PAK5: variants seen among roughly 807,000 people sequenced by gnomAD.
PAK5 encodes serine/threonine-protein kinase PAK 5.
PAK5 carries 16 observed loss-of-function variants against 65.9 expected under a neutral mutation model. The ratio of observed to expected loss-of-function variants is 0.24; its 90% confidence interval spans 0.16 to 0.37. The LOEUF (loss-of-function observed/expected upper bound fraction) is 0.37, where lower values mean the gene tolerates loss of function less well. PAK5 is among the 10% of genes least tolerant of loss of function. The pLI, the probability that PAK5 is intolerant of heterozygous loss-of-function variation, is 1.00. For synonymous variants in PAK5, 371 were observed against 354.9 expected (o/e 1.05, Z -0.51); for missense variants, 785 against 903.9 (o/e 0.87, Z 1.69).
chr20:9,558,339 T>C (rs2045542927), intron 6 of PAK5, among the ~76,000 whole-genome samples: 1 of 151,894 alleles, frequency 6.6e-6, no homozygotes, highest in African/African-American at 2.4e-5. Context: ...CTTGAACTAC[T>C]CCTGACCTCA....
In PAK5 at chr20:9,766,388, GTA is replaced by G. The variant is rs1171298089; in HGVS notation, c.-161-54955_-161-54954del. On this transcript the variant is annotated intron_variant, in intron 1 of 9. Coordinates refer to ENST00000353224, the MANE Select transcript of PAK5 (RefSeq NM_177990.4). ...ATATATATTCAAGCAGAATATATAT[GTA>G]TATATATATTCAAGCAGAATATATA... Among the ~76,000 whole-genome samples the G allele has an allele frequency of 2.3e-4, 11 of 47,302 alleles. 2 individuals are homozygous for G. The highest frequency in any genetic ancestry group is 3.5e-4 in the Non-Finnish European group (10 of 28,692). The allele number at this position is 47,302 out of a possible 152,430, so 31.0% of individuals were successfully genotyped here.
At chr20:9,563,105 A>G in intron 5 of PAK5, 81 bp from the exon 6 acceptor site, 2 of 1,258,654 alleles carry the variant, frequency 1.6e-6, no homozygotes, top group African/African-American at 1.6e-5. Context: ...TACAATTGTA[A>G]GTAAACTGAT....
chr20:9,794,173 G>A (rs912509333), intron 1 of PAK5, among the ~76,000 whole-genome samples: 1 of 145,940 alleles, frequency 6.9e-6, no homozygotes, highest in Admixed American at 6.9e-5. Flanking sequence ...ACTGGGTCAT[G>A]TTGGGGGGTG....
chr20:9,726,860 A>AGGTCGCTTT (rs2048283520), intron 1 of PAK5, among the ~76,000 whole-genome samples: 1 of 152,164 alleles, frequency 6.6e-6, no homozygotes, highest in South Asian at 2.1e-4. Flanking sequence ...ACCAAAAAGG[A>AGGTCGCTTT]TGATCAACTA....
At chr20:9,730,540 T>C (rs1264673300) in intron 1 of PAK5, among the ~76,000 whole-genome samples, 1 of 152,202 alleles carries the variant, frequency 6.6e-6, no homozygotes, top group Non-Finnish European at 1.5e-5. Context: ...CACAAGCCTT[T>C]ACCAAAAAAG....
At chr20:9,714,677 T>A (rs1446507297) in intron 1 of PAK5, among the ~76,000 whole-genome samples, 1 of 152,148 alleles carries the variant, frequency 6.6e-6, no homozygotes, top group Non-Finnish European at 1.5e-5. Flanking sequence ...CAAAACAGCA[T>A]GGTACTGGTA....
chr20:9,681,663 A>G (rs1313787054), intron 2 of PAK5, among the ~76,000 whole-genome samples: 3 of 152,146 alleles, frequency 2.0e-5, no homozygotes, highest in African/African-American at 7.2e-5. Context: ...TTGGAATTGC[A>G]TTTGCTTCAT....
chr20:9,676,048 A>G (rs6118696), intron 2 of PAK5, among the ~76,000 whole-genome samples: 28,661 of 152,214 alleles, frequency 0.19, 2,932 homozygotes, highest in East Asian at 0.36. Flanking sequence ...AGAGTTGCAC[A>G]TGGCTGGGGA....
chr20:9,801,990 G>T (rs1490964632), intron 1 of PAK5, among the ~76,000 whole-genome samples: 3 of 152,144 alleles, frequency 2.0e-5, no homozygotes, highest in Non-Finnish European at 4.4e-5. Context: ...CACCAGTAAG[G>T]TTGGCTGATT....
In PAK5 at chr20:9,542,846, A is replaced by G. The variant is rs563627959; in HGVS notation, c.1870-126T>C. 1.9e-4 allele frequency: 157 copies of G among 826,312 alleles called. 2 individuals are homozygous for G. The South Asian group carries it at 2.7e-3, about 14-fold the overall frequency. 51.2% of individuals were successfully genotyped at this position (826,312 alleles called of 1,614,324 possible). A position where few individuals can be genotyped will look rare whatever the true frequency, so the allele number is the denominator to read the frequency against. ...CTTGTAACCTCTCAACATTTACAAT[A>G]TAGATTTATAGGCTAAACTGCTGGG... On this transcript the variant is annotated intron_variant, in intron 8 of 9. Coordinates refer to ENST00000353224, the MANE Select transcript of PAK5 (RefSeq NM_177990.4).
chr20:9,560,848 T>TGTTAA (rs1365068898), intron 6 of PAK5, among the ~76,000 whole-genome samples: 1 of 152,200 alleles, frequency 6.6e-6, no homozygotes, highest in African/African-American at 2.4e-5. Flanking sequence ...CGTAACAAGA[T>TGTTAA]GTTAAGTTAA....
At chr20:9,577,204 C>T (rs2045900328) in intron 4 of PAK5, among the ~76,000 whole-genome samples, 1 of 146,792 alleles carries the variant, frequency 6.8e-6, no homozygotes, top group East Asian at 2.2e-4. Flanking sequence ...TGCTTAGTTC[C>T]AGCAAAATAC....
At chr20:9,813,145 G>C (rs1233358157) in intron 1 of PAK5, among the ~76,000 whole-genome samples, 1 of 152,090 alleles carries the variant, frequency 6.6e-6, no homozygotes, top group Admixed American at 6.6e-5. Flanking sequence ...CCTTATGTAT[G>C]ATTTCACGTA....
intron 3 of PAK5, among the ~76,000 whole-genome samples, chr20:9,640,628 G>A (rs1390746218): frequency 2.0e-5 from 3 of 152,140 alleles, no homozygotes; most frequent in African/African-American, 4.8e-5. Context: ...GGACCCTCGC[G>A]GTGAGTGTTA....
At chr20:9,672,085 A>G (rs2047507285) in intron 2 of PAK5, among the ~76,000 whole-genome samples, 1 of 152,194 alleles carries the variant, frequency 6.6e-6, no homozygotes, top group African/African-American at 2.4e-5. Flanking sequence ...GGACAAAAAA[A>G]ACTAGATTTT....
intron 1 of PAK5, among the ~76,000 whole-genome samples, chr20:9,826,811 T>C (rs1799420792): frequency 2.0e-5 from 3 of 152,206 alleles, no homozygotes; most frequent in Non-Finnish European, 2.9e-5. Flanking sequence ...CAAGGGATAA[T>C]TGAGCAGGAA....
At chr20:9,572,621 G>A (rs1161486521) in intron 4 of PAK5, among the ~76,000 whole-genome samples, 2 of 152,190 alleles carry the variant, frequency 1.3e-5, no homozygotes, top group East Asian at 1.9e-4. Context: ...GCAGTGGAAT[G>A]GGACTAGTGA....
intron 1 of PAK5, among the ~76,000 whole-genome samples, chr20:9,776,920 T>C (rs1190602951): frequency 6.6e-6 from 1 of 152,190 alleles, no homozygotes; most frequent in Non-Finnish European, 1.5e-5. Flanking sequence ...GGTAATTTGC[T>C]ACATAGCAAT....
rs140366487 is a variant in PAK5 at position 9,658,056 on chromosome 20, G to A, written c.-11-13717C>T. ...GTATTTTCACAGTAAGTCTTTTAGC[G>A]AAGTAGGGTTTCCCCAAACAGATAC... On this transcript the variant is annotated intron_variant, in intron 2 of 9. Transcript: ENST00000353224. Among the ~76,000 whole-genome samples the A allele has an allele frequency of 1.9e-3, 288 of 152,238 alleles. 1 individual carries two copies. The highest frequency in any genetic ancestry group is 6.5e-3 in the African/African-American group (268 of 41,536).
Sources: gnomAD v4.1 joint callset for allele counts (sites outside exome capture counted in the v4.1 genomes callset) on GRCh38, gnomAD v4.1.1 for gene constraint, MANE v1.5 for transcripts, NCBI Gene and HGNC (gene_info 2026-07-23, HGNC 2026-07-21) for gene names.